The following DLG2 variants were observed in gnomAD, a reference collection of about 807,000 sequenced individuals.
DLG2 encodes the protein disks large homolog 2.
Under a neutral mutation model 132.5 loss-of-function variants are expected in DLG2, and 45 were observed. The observed-to-expected ratio is 0.34, with a 90% CI of 0.27 to 0.44. The LOEUF (loss-of-function observed/expected upper bound fraction) is 0.44. Ranked by LOEUF, DLG2 falls within the 20% of genes least tolerant of loss-of-function variation. DLG2 has a pLI of 1.00. For missense variants in DLG2, 1,045 were observed against 1,196.9 expected (o/e 0.87, Z 1.87); for synonymous variants, 424 against 419.6 (o/e 1.01, Z -0.13).
At chr11:83,584,670 T>C (rs1313146097) in intron 19 of DLG2, among the ~76,000 whole-genome samples, 1 of 152,192 alleles carries the variant, frequency 6.6e-6, no homozygotes, top group East Asian at 1.9e-4. Flanking sequence ...ACTCTAAAGA[T>C]AGAGGATTTT....
intron 9 of DLG2, among the ~76,000 whole-genome samples, chr11:84,134,214 A>G (rs1387763833): frequency 6.6e-6 from 1 of 150,502 alleles, no homozygotes; most frequent in African/African-American, 2.4e-5. Context: ...CTACAGTAAC[A>G]TCTAGGGAGA....
rs1160393590 is a variant in DLG2 at position 85,082,051 on chromosome 11, T to TA, written c.357+29609dup. On this transcript the variant is annotated intron_variant, in intron 6 of 27. Coordinates refer to ENST00000376104, the MANE Select transcript of DLG2 (RefSeq NM_001142699.3). Reference sequence around the variant, plus strand: ...CCATAGTTTGTTGAACTTAACCATTTAAAAAAAATGGGCAATTTCTCCTGT... The same window carrying TA: ...CCATAGTTTGTTGAACTTAACCATTTAAAAAAAAATGGGCAATTTCTCCTGT... 6.6e-5 allele frequency among the ~76,000 whole-genome samples: 10 copies of TA among 152,054 alleles called. No homozygotes were observed. The East Asian group carries it at 1.4e-3, about 21-fold the overall frequency.
At chr11:84,548,518 A>C (rs572608147) in intron 6 of DLG2, among the ~76,000 whole-genome samples, 103 of 147,474 alleles carry the variant, frequency 7.0e-4, no homozygotes, top group African/African-American at 2.4e-3. Flanking sequence ...ACCTATGAGT[A>C]AGAACATGCG....
At chr11:84,522,981 A>C (rs1236507098) in intron 7 of DLG2, among the ~76,000 whole-genome samples, 2 of 152,192 alleles carry the variant, frequency 1.3e-5, no homozygotes, top group African/African-American at 4.8e-5. Context: ...ATTTGAGCTA[A>C]CCAACATGAC....
At chr11:83,529,624 C>T (rs1201497215) in intron 21 of DLG2, among the ~76,000 whole-genome samples, 2 of 151,146 alleles carry the variant, frequency 1.3e-5, no homozygotes, top group African/African-American at 2.4e-5. Flanking sequence ...TTTTTCAAAA[C>T]AATACTCCAG....
chr11:83,700,180 T>G (rs561655943), intron 18 of DLG2, among the ~76,000 whole-genome samples: 8 of 152,248 alleles, frequency 5.3e-5, no homozygotes, highest in African/African-American at 1.9e-4. Flanking sequence ...GTAAATATAA[T>G]AATGTATTGA....
chr11:84,202,263 G>T (rs1011060303), intron 8 of DLG2, among the ~76,000 whole-genome samples: 4 of 152,036 alleles, frequency 2.6e-5, no homozygotes, highest in African/African-American at 9.7e-5. Flanking sequence ...CTGGTACAAG[G>T]ACAGACACAT....
intron 9 of DLG2, among the ~76,000 whole-genome samples, chr11:84,105,997 C>A (rs2092883575): frequency 6.6e-6 from 1 of 152,050 alleles, no homozygotes; most frequent in African/African-American, 2.4e-5. Context: ...CTGTAAATTT[C>A]TCATATGCAC....
At chr11:83,911,924 G>C (rs1392421973) in intron 15 of DLG2, among the ~76,000 whole-genome samples, 1 of 151,664 alleles carries the variant, frequency 6.6e-6, no homozygotes, top group African/African-American at 2.4e-5. Context: ...TTTGAAAGCT[G>C]TACAGATAAC....
intron 3 of DLG2, among the ~76,000 whole-genome samples, chr11:85,508,902 C>A (rs2093995345): frequency 6.6e-6 from 1 of 152,020 alleles, no homozygotes; most frequent in South Asian, 2.1e-4. Context: ...GAAAGGCTAA[C>A]AATGACCAAC....
intron 19 of DLG2, among the ~76,000 whole-genome samples, chr11:83,608,971 C>T (rs2059730468): frequency 6.6e-6 from 1 of 152,124 alleles, no homozygotes; most frequent in African/African-American, 2.4e-5. Flanking sequence ...TTCTAGCCAA[C>T]CAAATGATAG....
intron 4 of DLG2, among the ~76,000 whole-genome samples, chr11:85,172,265 C>T (rs2078930341): frequency 6.6e-6 from 1 of 152,196 alleles, no homozygotes; most frequent in Non-Finnish European, 1.5e-5. Context: ...GAGAAGGCTA[C>T]CCTCTTTGCT....
chr11:84,422,018 G>T (rs1239165403), intron 7 of DLG2, among the ~76,000 whole-genome samples: 3 of 152,144 alleles, frequency 2.0e-5, no homozygotes, highest in African/African-American at 7.2e-5. Context: ...GCACAACTTT[G>T]AAAAATACAC....
At chr11:85,184,014 T>A (rs1001800531) in intron 4 of DLG2, among the ~76,000 whole-genome samples, 1 of 152,010 alleles carries the variant, frequency 6.6e-6, no homozygotes, top group African/African-American at 2.4e-5. Flanking sequence ...GAACTAAGAA[T>A]CAGCAGATAA....
chr11:85,445,385 T>C (rs146442709), intron 3 of DLG2, among the ~76,000 whole-genome samples: 164 of 152,214 alleles, frequency 1.1e-3, no homozygotes, highest in African/African-American at 3.8e-3. Flanking sequence ...AGTCTCAAAA[T>C]TGAAAGCACT....
At chr11:85,111,521 A>G (rs1364779931) in intron 6 of DLG2, 140 bp downstream of exon 6, 1 of 617,662 alleles carries the variant, frequency 1.6e-6, no homozygotes, top group Non-Finnish European at 2.7e-6. Context: ...AAGCTTTCTG[A>G]AAGATTATTC....
At chr11:83,490,060 G>A (rs927581271) in intron 21 of DLG2, among the ~76,000 whole-genome samples, 1 of 151,984 alleles carries the variant, frequency 6.6e-6, no homozygotes, top group Non-Finnish European at 1.5e-5. Context: ...TCACTACTCA[G>A]ATTTTGTCTT....
At chr11:83,753,786 C>T (rs1015095977) in intron 18 of DLG2, among the ~76,000 whole-genome samples, 2 of 111,092 alleles carry the variant, frequency 1.8e-5, no homozygotes, top group African/African-American at 4.5e-5. Context: ...ATATATATGT[C>T]ATATATATGA....
intron 11 of DLG2, among the ~76,000 whole-genome samples, chr11:84,028,258 G>T (rs1284950883): frequency 6.6e-6 from 1 of 152,052 alleles, no homozygotes; most frequent in Admixed American, 6.6e-5. Flanking sequence ...GTCATGATTT[G>T]TGTGTATTGA....
Sources: gnomAD v4.1 joint callset for allele counts (sites outside exome capture counted in the v4.1 genomes callset) on GRCh38, gnomAD v4.1.1 for gene constraint, MANE v1.5 for transcripts, NCBI Gene and HGNC (gene_info 2026-07-23, HGNC 2026-07-21) for gene names.